USB1: variants seen among roughly 807,000 people sequenced by gnomAD.
USB1 encodes the protein U6 snRNA biogenesis phosphodiesterase 1.
Under a neutral mutation model 29.9 loss-of-function variants are expected in USB1, and 21 were observed. The ratio of observed to expected loss-of-function variants is 0.70; its 90% CI spans 0.50 to 1.01. The LOEUF (loss-of-function observed/expected upper bound fraction) is 1.01. USB1 is among the 50% of genes least tolerant of loss of function. The pLI is 0.00. For synonymous variants in USB1, 143 were observed against 134.9 expected (o/e 1.06, Z -0.42); for missense variants, 330 against 347.1 (o/e 0.95, Z 0.39).
chr16:58,003,235 G>A (rs1464720025), intron 2 of USB1, among the ~76,000 whole-genome samples: 1 of 152,114 alleles, frequency 6.6e-6, no homozygotes, highest in Admixed American at 6.5e-5. Flanking sequence ...GACCAGCCTC[G>A]GCAACAGGTA....
At chr16:58,006,463 G>C (rs1199408932) in intron 2 of USB1, among the ~76,000 whole-genome samples, 1 of 103,348 alleles carries the variant, frequency 9.7e-6, no homozygotes, top group Non-Finnish European at 2.0e-5. Flanking sequence ...TTCAAGACCA[G>C]CCTGGCCAAC....
chr16:58,003,707 A>T (rs1963286222), intron 2 of USB1, among the ~76,000 whole-genome samples: 1 of 151,860 alleles, frequency 6.6e-6, no homozygotes, highest in African/African-American at 2.4e-5. Context: ...CTTTTTAATC[A>T]TTTTTGTTTA....
At chr16:58,009,617 C>G (rs1361318513) in intron 2 of USB1, among the ~76,000 whole-genome samples, 3 of 151,128 alleles carry the variant, frequency 2.0e-5, no homozygotes, top group Non-Finnish European at 4.4e-5. Context: ...CCCAGCTACT[C>G]GGGAGGCTGA....
intron 2 of USB1, among the ~76,000 whole-genome samples, chr16:58,006,354 A>C (rs1304078416): frequency 0.044 from 31 of 700 alleles, no homozygotes; most frequent in African/African-American, 0.18. Flanking sequence ...CCTCGTTTCA[A>C]AAAAAAAAAA....
rs1327249465 is a variant in USB1 at position 58,001,540 on chromosome 16, G to A, written c.57G>A (p.Glu19=). Reference sequence around the variant, plus strand: ...GCAGCGGCTCCGAGGATGAGTCCGAGGACGGGATGCGGACCAGGCCGGGGG... The same window carrying A: ...GCAGCGGCTCCGAGGATGAGTCCGAAGACGGGATGCGGACCAGGCCGGGGG... ...YSSSGSEDES[E]DGMRTRPGDG... The change falls in exon 1 of 7, where the codon GAG becomes GAA. Residue 19 remains glutamate (E), a synonymous_variant. Transcript: ENST00000219281. 2 of 1,609,824 alleles carry A rather than the reference G, an allele frequency of 1.2e-6. No homozygotes were observed. Among genetic ancestry groups the A allele is most frequent in the African/African-American group, 1.3e-5 (1 of 74,998 alleles).
At chr16:58,000,922 G>A (rs972050899), upstream of USB1, among the ~76,000 whole-genome samples, 6 of 152,352 alleles carry the variant, frequency 3.9e-5, no homozygotes, top group African/African-American at 1.4e-4. This position sits in a 1 kb window ranked among gnomAD's most constrained non-coding sequence, Gnocchi z 4.5. Context: ...TAGGGGAGGG[G>A]GCTCCGGGTG....
chr16:58,019,140 CA>C, intron 6 of USB1, 85 bp downstream of exon 6: 2 of 1,359,974 alleles, frequency 1.5e-6, no homozygotes, highest in Non-Finnish European at 2.1e-6. Flanking sequence ...ATGAGGCACC[CA>C]AACCTGAATC....
chr16:58,010,690 C>T lies in USB1; in HGVS notation c.449+578C>T, dbSNP rs77752825. The T allele has an allele frequency of 0.064, 19,145 of 297,040 alleles. 811 individuals carry two copies. Among genetic ancestry groups the T allele is most frequent in the South Asian group, 0.079 (1,607 of 20,244 alleles). The allele number at this position is 297,040 out of a possible 1,614,324, so 18.4% of individuals were successfully genotyped here. A position where few individuals can be genotyped will look rare whatever the true frequency, so the allele number is the denominator to read the frequency against. ...CAGGCAAACAGTCCACTTACTAGGG[C>T]GCCAGTTTATTACAAAGGATATGTT... On this transcript the variant is annotated intron_variant, in intron 3 of 6. Transcript: ENST00000219281.
Position 58,017,413 on chromosome 16 carries a change from G to A in USB1, c.583G>A (p.Glu195Lys), listed in dbSNP as rs766156595. Residue 195 changes from glutamate (E) to lysine (K), a missense_variant, in exon 5 of 7, where the codon GAA (glutamate) becomes AAA (lysine). Physicochemically the swap from Glu to Lys is moderately conservative, Grantham distance 56. Transcript: ENST00000219281. ...TTCAGAGGTGGACAGAGTCATGGAG[G>A]AATTCAACCTCACCACTTTCTACCA... ...LVSEVDRVME[E>K]FNLTTFYQDP... is the part of the protein sequence containing the mutation. 2 of 1,614,196 alleles carry A rather than the reference G, an allele frequency of 1.2e-6. No individual in the cohort carries two copies. Among genetic ancestry groups the A allele is most frequent in the Non-Finnish European group, 1.7e-6 (2 of 1,180,022 alleles).
intron 6 of USB1, 120 bp from the exon 7 acceptor site, chr16:58,020,021 G>C: frequency 1.2e-6 from 1 of 868,074 alleles, no homozygotes; most frequent in East Asian, 2.6e-5. Flanking sequence ...GCAGAGCCTG[G>C]AGCCTGCAGC....
At position 58,020,553 on chromosome 16, in the gene USB1, C is replaced by T. The variant is rs1484630706; in HGVS notation, c.*308C>T. ...TTCTCTCTCTTCCCCTCCTGTCTCT[C>T]CTCCCCTCCTCTCTTCCTCTCCTCT... On this transcript the variant is annotated 3_prime_UTR_variant, in exon 7 of 7. Transcript: ENST00000219281. 8 of 286,864 alleles carry T rather than the reference C, an allele frequency of 2.8e-5. No individual in the cohort carries two copies. The highest frequency in any genetic ancestry group is 4.8e-5 in the Non-Finnish European group (8 of 165,110). 17.8% of individuals were successfully genotyped at this position (286,864 alleles called of 1,614,324 possible).
upstream of USB1, chr16:57,999,813 G>A (rs1377366558): frequency 6.6e-6 from 1 of 152,494 alleles, no homozygotes; most frequent in Non-Finnish European, 1.5e-5. Flanking sequence ...TCTCGGGACA[G>A]AGAGGGGGAA....
At chr16:58,006,583 C>A (rs191620988) in intron 2 of USB1, among the ~76,000 whole-genome samples, 1 of 152,072 alleles carries the variant, frequency 6.6e-6, no homozygotes, top group East Asian at 1.9e-4. Context: ...TGCTTGAACC[C>A]GGGAGGTGGA....
intron 2 of USB1, among the ~76,000 whole-genome samples, chr16:58,004,745 C>T (rs1963311436): frequency 6.6e-6 from 1 of 152,132 alleles, no homozygotes; most frequent in African/African-American, 2.4e-5. Context: ...CATAGAATAT[C>T]TTGTAGGGTC....
At chr16:58,007,914 C>T (rs1007219416) in intron 2 of USB1, among the ~76,000 whole-genome samples, 2 of 151,896 alleles carry the variant, frequency 1.3e-5, no homozygotes, top group African/African-American at 2.4e-5. Flanking sequence ...ACCTGGGAGG[C>T]GGAGATTGCA....
chr16:58,014,546 G>A (rs1963572266), intron 4 of USB1, among the ~76,000 whole-genome samples: 1 of 152,232 alleles, frequency 6.6e-6, no homozygotes, highest in Admixed American at 6.5e-5. Context: ...ACTTTGGGAG[G>A]CTGAAGCAGG....
intron 3 of USB1, chr16:58,011,503 G>A (rs536983136): frequency 1.4e-4 from 142 of 1,014,542 alleles, no homozygotes; most frequent in African/African-American, 3.3e-4. Context: ...AGGCTCTCCC[G>A]GTTGGCATAT....
Position 58,010,017 on chromosome 16 carries a change from G to A in USB1, c.354G>A (p.Val118=). 6.2e-7 allele frequency: 1 copy of A among 1,614,106 alleles called. No homozygotes were observed. Residue 118 remains valine, a synonymous_variant, in exon 3 of 7, where the codon GTG becomes GTA. Coordinates refer to ENST00000219281, the MANE Select transcript of USB1 (RefSeq NM_024598.4). ...TCCCCCGGCTGGTAAGGATGAAGGT[G>A]TTCCACCTCAGCCTGTCCCAGAGTG... ...TYVPRLVRMK[V]FHLSLSQSVV...
At chr16:58,017,553 G>A (rs1040782904) in intron 5 of USB1, 114 bp downstream of exon 5, 26 of 964,004 alleles carry the variant, frequency 2.7e-5, no homozygotes, top group Non-Finnish European at 4.1e-5. Context: ...CTCCCGTGTC[G>A]GTGCTCTGAA....
Sources: allele counts gnomAD v4.1 joint callset (sites outside exome capture counted in the v4.1 genomes callset), GRCh38; gene constraint gnomAD v4.1.1; non-coding constraint Gnocchi (gnomAD v3.1); transcripts MANE v1.5; gene names NCBI Gene and HGNC (gene_info 2026-07-23, HGNC 2026-07-21).